GSK3B: variants seen among roughly 807,000 people sequenced by gnomAD.
GSK3B encodes glycogen synthase kinase-3 beta.
A neutral mutation model predicts 56.4 loss-of-function variants in GSK3B; 15 were observed. That is an observed-to-expected ratio of 0.27 (90% confidence interval 0.18 to 0.41). GSK3B has a LOEUF of 0.41. Among genes scored for constraint, GSK3B ranks in the 10% least tolerant of loss-of-function variants. The probability of loss-of-function intolerance (pLI) is 1.00; values close to 1 mark genes in which losing one functional copy is unlikely to be tolerated. For missense variants in GSK3B, 300 were observed against 513.4 expected (o/e 0.58, Z 4.02); for synonymous variants, 181 against 188.9 (o/e 0.96, Z 0.34).
intron 10 of GSK3B, among the ~76,000 whole-genome samples, chr3:119,829,956 AC>A (rs1213720362): frequency 6.6e-6 from 1 of 152,248 alleles, no homozygotes; most frequent in Non-Finnish European, 1.5e-5. Context: ...CATCAAAAAA[AC>A]TTTTGCCTGA....
intron 2 of GSK3B, among the ~76,000 whole-genome samples, chr3:119,966,319 C>A (rs1035468555): frequency 3.3e-5 from 5 of 152,196 alleles, no homozygotes; most frequent in African/African-American, 1.2e-4. Context: ...GAGAAAGGAA[C>A]CCTAATATTT....
At chr3:120,021,645 T>C (rs1467329374) in intron 1 of GSK3B, among the ~76,000 whole-genome samples, 5 of 152,080 alleles carry the variant, frequency 3.3e-5, no homozygotes, top group South Asian at 2.1e-4. Flanking sequence ...GTGGTAGAAA[T>C]AGAAAGAGAA....
chr3:119,846,259 A>G (rs1484827066), intron 9 of GSK3B, among the ~76,000 whole-genome samples: 1 of 152,220 alleles, frequency 6.6e-6, no homozygotes, highest in Non-Finnish European at 1.5e-5. Flanking sequence ...CATGACTAAA[A>G]CACCAAAAGC....
intron 3 of GSK3B, among the ~76,000 whole-genome samples, chr3:119,938,050 A>G (rs1559844860): frequency 6.6e-6 from 1 of 152,104 alleles, no homozygotes; most frequent in South Asian, 2.1e-4. Context: ...ACAAATACAC[A>G]GATTATCAAA....
intron 1 of GSK3B, among the ~76,000 whole-genome samples, chr3:120,012,602 T>G (rs1354024338): frequency 6.6e-6 from 1 of 152,148 alleles, no homozygotes; most frequent in Non-Finnish European, 1.5e-5. Context: ...TAAACCAGAA[T>G]AGACCCCTCA....
chr3:120,042,143 G>A (rs1250930988), intron 1 of GSK3B, among the ~76,000 whole-genome samples: 1 of 152,156 alleles, frequency 6.6e-6, no homozygotes, highest in Non-Finnish European at 1.5e-5. Context: ...TAAGAGTCAG[G>A]AAAATAACCT....
chr3:120,091,837 T>A (rs769126998), intron 1 of GSK3B, among the ~76,000 whole-genome samples: 42 of 151,986 alleles, frequency 2.8e-4, no homozygotes, highest in South Asian at 1.2e-3. Flanking sequence ...AAAAAAAAAA[T>A]TAACTTTCAA....
At position 120,056,803 on chromosome 3, in the gene GSK3B, T is replaced by A. The variant is rs559115245; in HGVS notation, c.88+36544A>T. ...TGGGAATGAGGACATGAAACACTAA[T>A]GGGAAAACAGCATAATACACAAGGG... On this transcript the variant is annotated intron_variant, in intron 1 of 10. Transcript: ENST00000264235. Among the ~76,000 whole-genome samples the A allele has an allele frequency of 1.2e-4, 18 of 152,158 alleles. No homozygotes were observed. The South Asian group carries it at 2.5e-3, about 21-fold the overall frequency.
chr3:119,969,946 C>T (rs765757182), intron 2 of GSK3B, among the ~76,000 whole-genome samples: 1 of 152,160 alleles, frequency 6.6e-6, no homozygotes, highest in Non-Finnish European at 1.5e-5. Context: ...TGAATCATCC[C>T]TTTGTCTAGC....
At chr3:119,960,073 T>C (rs1356319526) in intron 2 of GSK3B, among the ~76,000 whole-genome samples, 1 of 139,842 alleles carries the variant, frequency 7.2e-6, no homozygotes, top group Non-Finnish European at 1.5e-5. Flanking sequence ...TACCATGGAA[T>C]ACTACTCAGC....
At chr3:119,941,316 C>A (rs528071974) in intron 3 of GSK3B, among the ~76,000 whole-genome samples, 1 of 152,124 alleles carries the variant, frequency 6.6e-6, no homozygotes, top group Non-Finnish European at 1.5e-5. Context: ...CCTTGACTGG[C>A]GTAATACTAC....
chr3:120,089,956 T>C (rs1236706089), intron 1 of GSK3B, among the ~76,000 whole-genome samples: 1 of 152,102 alleles, frequency 6.6e-6, no homozygotes, highest in Non-Finnish European at 1.5e-5. Context: ...GGGCAAAAAA[T>C]ACTTGTTATA....
At chr3:119,913,895 G>A (rs545052567) in intron 5 of GSK3B, among the ~76,000 whole-genome samples, 1 of 152,060 alleles carries the variant, frequency 6.6e-6, no homozygotes, top group South Asian at 2.1e-4. Context: ...CTGTTTTTAG[G>A]CTGCATGAAA....
At chr3:120,082,959 T>G (rs138772814) in intron 1 of GSK3B, among the ~76,000 whole-genome samples, 1 of 151,976 alleles carries the variant, frequency 6.6e-6, no homozygotes, top group East Asian at 1.9e-4. Context: ...ATAGCTCTAG[T>G]CTAAACAATT....
At chr3:120,041,426 A>C (rs2107532048) in intron 1 of GSK3B, 1 of 268,872 alleles carries the variant, frequency 3.7e-6, no homozygotes, top group Admixed American at 3.7e-5. Context: ...AGCCCATGGA[A>C]ACACATATCA....
At chr3:119,876,661 TC>T (rs2056317936) in intron 7 of GSK3B, among the ~76,000 whole-genome samples, 153 bp from the exon 8 acceptor site, 1 of 152,138 alleles carries the variant, frequency 6.6e-6, no homozygotes, top group African/African-American at 2.4e-5. Context: ...TTTGAATATG[TC>T]CCCCAAAGCT....
chr3:119,855,930 A>T (rs2056016487), intron 9 of GSK3B, among the ~76,000 whole-genome samples: 1 of 152,198 alleles, frequency 6.6e-6, no homozygotes, highest in African/African-American at 2.4e-5. Flanking sequence ...ATACACATGT[A>T]ACAAACCTGC....
At chr3:119,906,367 T>C (rs973557540) in intron 6 of GSK3B, among the ~76,000 whole-genome samples, 1 of 152,076 alleles carries the variant, frequency 6.6e-6, no homozygotes, top group Non-Finnish European at 1.5e-5. Context: ...TGCTTAAATA[T>C]ATCATTTTTA....
intron 1 of GSK3B, among the ~76,000 whole-genome samples, chr3:120,005,699 T>C (rs2057721003): frequency 6.6e-6 from 1 of 152,144 alleles, no homozygotes; most frequent in Admixed American, 6.5e-5. Context: ...GAAGGAGAAA[T>C]AAAATCCTTT....
Sources: allele counts gnomAD v4.1 joint callset (sites outside exome capture counted in the v4.1 genomes callset), GRCh38; gene constraint gnomAD v4.1.1; transcripts MANE v1.5; gene names NCBI Gene and HGNC (gene_info 2026-07-23, HGNC 2026-07-21).